AP3B1: variants seen among roughly 807,000 people sequenced by gnomAD.
AP3B1 encodes the protein AP-3 complex subunit beta-1.
Under a neutral mutation model 132.5 loss-of-function variants are expected in AP3B1, and 61 were observed. The observed-to-expected ratio is 0.46, with a 90% CI of 0.37 to 0.57. The LOEUF (loss-of-function observed/expected upper bound fraction) is 0.57. Ranked by LOEUF, AP3B1 falls within the 20% of genes least tolerant of loss-of-function variation. The probability of loss-of-function intolerance (pLI) is 0.00; values close to 1 mark genes in which losing one functional copy is unlikely to be tolerated. For missense variants in AP3B1, 1,120 were observed against 1,289.4 expected, an observed-to-expected ratio of 0.87 and a Z score of 2.01; for synonymous variants, 388 against 438.3, an observed-to-expected ratio of 0.89 and a Z score of 1.43.
At chr5:78,071,836 A>G (rs1295867378) in intron 22 of AP3B1, among the ~76,000 whole-genome samples, 5 of 152,322 alleles carry the variant, frequency 3.3e-5, no homozygotes, top group South Asian at 4.1e-4. Flanking sequence ...TGTTTACTGA[A>G]GCCATTTGAA....
intron 22 of AP3B1, among the ~76,000 whole-genome samples, chr5:78,052,998 C>G (rs1018200522): frequency 9.2e-5 from 14 of 152,170 alleles, no homozygotes; most frequent in African/African-American, 2.9e-4. Flanking sequence ...CTGGTTATAA[C>G]AAATTTCTTT....
chr5:78,058,953 C>G (rs1310903677), intron 22 of AP3B1, among the ~76,000 whole-genome samples: 1 of 152,178 alleles, frequency 6.6e-6, no homozygotes, highest in Non-Finnish European at 1.5e-5. Context: ...CCCACAGGTT[C>G]TATAAGTGAG....
chr5:78,217,026 G>A (rs1202734518), intron 6 of AP3B1, among the ~76,000 whole-genome samples: 4 of 151,916 alleles, frequency 2.6e-5, no homozygotes, highest in East Asian at 1.9e-4. Flanking sequence ...TTCTCTATAC[G>A]TACAAATGAT....
chr5:78,064,936 C>T (rs528307708), intron 22 of AP3B1, among the ~76,000 whole-genome samples: 43 of 152,208 alleles, frequency 2.8e-4, no homozygotes, highest in African/African-American at 1.0e-3. Flanking sequence ...CTAGAAACAG[C>T]TGTGGTCAGA....
chr5:78,014,030 C>G (rs570716250), intron 26 of AP3B1, among the ~76,000 whole-genome samples: 16 of 152,144 alleles, frequency 1.1e-4, no homozygotes, highest in East Asian at 5.8e-4. Flanking sequence ...GGGCGTGGTG[C>G]CGGGTGCCTG....
At chr5:78,260,182 GA>G (rs200235906) in intron 2 of AP3B1, among the ~76,000 whole-genome samples, 1 of 149,898 alleles carries the variant, frequency 6.7e-6, no homozygotes, top group Non-Finnish European at 1.5e-5. Flanking sequence ...TTTTCCCATG[GA>G]AAAAAAAATA....
chr5:78,101,224 A>G lies in AP3B1; in HGVS notation c.2398-199T>C, dbSNP rs1330081940. ...TATAGTATTTCTTACCCACTATGCA[A>G]ACTCTTAAACTATTTTGTGTTTAAA... On this transcript the variant is annotated intron_variant, in intron 20 of 26. Transcript: ENST00000255194. The G allele has an allele frequency of 1.6e-5, 8 of 509,712 alleles. No homozygotes were observed. The East Asian group carries it at 2.8e-4, about 18-fold the overall frequency. The allele number at this position is 509,712 out of a possible 1,614,324, so 31.6% of individuals were successfully genotyped here.
chr5:78,086,694 C>T (rs1055387411), intron 22 of AP3B1, among the ~76,000 whole-genome samples: 1 of 152,222 alleles, frequency 6.6e-6, no homozygotes, highest in Non-Finnish European at 1.5e-5. Context: ...CCTGACGATA[C>T]AGACTGTACC....
intron 19 of AP3B1, 117 bp from the exon 20 acceptor site, chr5:78,110,471 C>T: frequency 1.4e-6 from 1 of 709,116 alleles, no homozygotes; most frequent in South Asian, 2.0e-5. Flanking sequence ...AAGGTATTAC[C>T]CATAACCAAA....
chr5:78,171,715 T>C (rs1016238358), intron 11 of AP3B1, among the ~76,000 whole-genome samples: 2 of 152,200 alleles, frequency 1.3e-5, no homozygotes, highest in East Asian at 1.9e-4. Context: ...CTTTTCCTAA[T>C]TGAATACCCG....
At chr5:78,152,414 T>A (rs1036154841) in intron 14 of AP3B1, among the ~76,000 whole-genome samples, 2 of 152,096 alleles carry the variant, frequency 1.3e-5, no homozygotes, top group Admixed American at 1.3e-4. Flanking sequence ...TGGGAGGTTG[T>A]GTGTGTCTAG....
intron 7 of AP3B1, among the ~76,000 whole-genome samples, chr5:78,194,195 A>G (rs942381120): frequency 6.6e-6 from 1 of 152,188 alleles, no homozygotes; most frequent in African/African-American, 2.4e-5. Flanking sequence ...ATATTATTTT[A>G]TGTATGAAGC....
chr5:78,241,812 A>G (rs1747152025), intron 2 of AP3B1, among the ~76,000 whole-genome samples: 1 of 152,224 alleles, frequency 6.6e-6, no homozygotes, highest in Non-Finnish European at 1.5e-5. Flanking sequence ...AGCCAAACTC[A>G]TCTTTCATGA....
At chr5:78,270,171 C>G (rs961876142) in intron 1 of AP3B1, among the ~76,000 whole-genome samples, 15 of 152,288 alleles carry the variant, frequency 9.8e-5, no homozygotes, top group African/African-American at 2.9e-4. Context: ...CTCGGCCTCC[C>G]AAAGTGCTAT....
chr5:78,230,933 C>T (rs1184277957), intron 3 of AP3B1, among the ~76,000 whole-genome samples: 2 of 151,930 alleles, frequency 1.3e-5, no homozygotes, highest in East Asian at 3.9e-4. Flanking sequence ...GTATGGCCAA[C>T]ATGGTGAAAC....
intron 7 of AP3B1, among the ~76,000 whole-genome samples, chr5:78,193,770 A>ATATATATTT: frequency 8.2e-4 from 55 of 67,202 alleles, no homozygotes; most frequent in African/African-American, 2.9e-3. Context: ...ATATATATAT[A>ATATATATTT]TTTTTTTTTT....
rs890896062 is a variant in AP3B1, at chr5:78,216,394, T to C, written c.604-157A>G. 3.3e-5 allele frequency among the ~76,000 whole-genome samples: 5 copies of C among 152,316 alleles called. No individual in the cohort carries two copies. The South Asian group carries it at 6.2e-4, about 19-fold the overall frequency. On this transcript the variant is annotated intron_variant, in intron 6 of 26. Coordinates refer to ENST00000255194, the MANE Select transcript of AP3B1 (RefSeq NM_003664.5). ...GTTCATGTTTGAATAACAAACTTTA[T>C]GGTGACTATTCGTCAAAGAATAATT...
At chr5:78,209,114 C>T (rs909788214) in intron 7 of AP3B1, among the ~76,000 whole-genome samples, 37 of 150,630 alleles carry the variant, frequency 2.5e-4, no homozygotes, top group African/African-American at 9.1e-4. Flanking sequence ...ACACACACAC[C>T]AAAAATAAAA....
chr5:78,057,197 T>G (rs1748852360), intron 22 of AP3B1, among the ~76,000 whole-genome samples: 2 of 152,210 alleles, frequency 1.3e-5, no homozygotes, highest in African/African-American at 4.8e-5. Flanking sequence ...GAGGTTTGCT[T>G]CAGTGAACTC....
Sources: gnomAD v4.1 joint callset for allele counts (sites outside exome capture counted in the v4.1 genomes callset) on GRCh38, gnomAD v4.1.1 for gene constraint, MANE v1.5 for transcripts, NCBI Gene and HGNC (gene_info 2026-07-23, HGNC 2026-07-21) for gene names.